Variants in PLD5 observed in about 807,000 individuals in gnomAD.
PLD5 encodes the protein inactive phospholipase D5.
Under a neutral mutation model 61.1 loss-of-function variants are expected in PLD5, and 36 were observed. The ratio of observed to expected loss-of-function variants is 0.59; its 90% CI spans 0.45 to 0.78. The LOEUF is 0.78. PLD5 is among the 30% of genes least tolerant of loss of function. The pLI is 0.00. For synonymous variants in PLD5, 243 were observed against 242.8 expected (o/e 1.00, Z -0.01); for missense variants, 515 against 644.4 (o/e 0.80, Z 2.17).
At chr1:242,130,241 A>C (rs1434599447) in intron 5 of PLD5, among the ~76,000 whole-genome samples, 2 of 152,038 alleles carry the variant, frequency 1.3e-5, no homozygotes, top group African/African-American at 2.4e-5. Context: ...GAGTAGAGAC[A>C]GGGTTTCACC....
chr1:242,281,275 G>A lies in PLD5; in HGVS notation c.495+7087C>T, dbSNP rs552464789. The stretch of plus-strand genomic sequence containing the variant: ...GTCTGTTGGTCAAACTGCATTGATC[G>A]CATCAGTTAGGAAGAATATTGCAGA... On this transcript the variant is annotated intron_variant, in intron 3 of 9. Coordinates refer to ENST00000536534, the MANE Select transcript of PLD5 (RefSeq NM_001372062.1). Among the ~76,000 whole-genome samples the A allele has an allele frequency of 6.2e-3, 947 of 152,244 alleles. 10 individuals carry two copies. The highest frequency in any genetic ancestry group is 0.022 in the African/African-American group (903 of 41,540).
At position 242,100,712 on chromosome 1, in the gene PLD5, A is replaced by G; in HGVS notation, c.1310T>C (p.Leu437Ser). 1 of 1,614,124 alleles carries G rather than the reference A, an allele frequency of 6.2e-7. No homozygotes were observed. The highest frequency in any genetic ancestry group is 8.5e-7 in the Non-Finnish European group (1 of 1,180,014). Residue 437 changes from leucine (L) to serine (S), a missense_variant, in exon 9 of 10, where the codon TTA becomes TCA. Coordinates refer to ENST00000536534, the MANE Select transcript of PLD5 (RefSeq NM_001372062.1). ...KEQKNHTFPR[L>S]NRNKYMVTDG... ...TGTCACCATGTACTTGTTGCGATTT[A>G]ACCTAGGAAAGGTGTGATTCTTTTG...
At position 242,224,468 on chromosome 1, in the gene PLD5, G is replaced by A. The variant is rs188375769; in HGVS notation, c.608-4353C>T. On this transcript the variant is annotated intron_variant, in intron 4 of 9. Coordinates refer to ENST00000536534, the MANE Select transcript of PLD5 (RefSeq NM_001372062.1). The stretch of plus-strand genomic sequence containing the variant: ...TTATTTTTATGACCCAGAAAACAGG[G>A]ATCCTATATATTAAAGAGTTATTAT... 2.2e-3 allele frequency among the ~76,000 whole-genome samples: 329 copies of A among 151,964 alleles called. 1 individual carries two copies. The highest frequency in any genetic ancestry group is 7.5e-3 in the African/African-American group (310 of 41,442).
At chr1:242,413,321 T>C (rs1316403456) in intron 1 of PLD5, among the ~76,000 whole-genome samples, 2 of 152,098 alleles carry the variant, frequency 1.3e-5, no homozygotes, top group South Asian at 2.1e-4. Flanking sequence ...TTTTTTTTTT[T>C]CTACCCAGCA....
intron 9 of PLD5, among the ~76,000 whole-genome samples, chr1:242,097,998 T>C (rs982094215): frequency 5.3e-5 from 8 of 152,240 alleles, no homozygotes; most frequent in Admixed American, 3.9e-4. Flanking sequence ...ATTTATTAAA[T>C]AGGGAATCCT....
chr1:242,494,878 C>CTTTTTTTTTTT (rs556893161), intron 1 of PLD5, among the ~76,000 whole-genome samples: 35 of 135,902 alleles, frequency 2.6e-4, no homozygotes, highest in African/African-American at 9.0e-4. Context: ...TTTTTCTTTT[C>CTTTTTTTTTTT]TGTTTTTTTT....
intron 5 of PLD5, among the ~76,000 whole-genome samples, chr1:242,185,292 A>G (rs1424387854): frequency 6.6e-6 from 1 of 152,144 alleles, no homozygotes; most frequent in Non-Finnish European, 1.5e-5. Context: ...TTCCAACAAC[A>G]ACAACAACAA....
intron 1 of PLD5, among the ~76,000 whole-genome samples, chr1:242,463,005 C>G (rs1268884875): frequency 2.6e-5 from 4 of 152,214 alleles, no homozygotes; most frequent in Non-Finnish European, 5.9e-5. Context: ...TTTCAATACC[C>G]TTCTCCTCCA....
chr1:242,287,932 G>GGGTGAATTATAACTTGAAA (rs1413789570), intron 3 of PLD5, among the ~76,000 whole-genome samples: 2 of 152,144 alleles, frequency 1.3e-5, no homozygotes, highest in African/African-American at 4.8e-5. Context: ...ATGTGGCTGT[G>GGGTGAATTATAACTTGAAA]GGTGAATTAT....
intron 8 of PLD5, among the ~76,000 whole-genome samples, chr1:242,102,367 G>A (rs1207877366): frequency 6.6e-6 from 1 of 152,184 alleles, no homozygotes; most frequent in African/African-American, 2.4e-5. Flanking sequence ...GCTTTCTCTG[G>A]AAGACTAAAA....
At chr1:242,205,388 T>A (rs1329789342) in intron 5 of PLD5, among the ~76,000 whole-genome samples, 1 of 152,234 alleles carries the variant, frequency 6.6e-6, no homozygotes, top group Non-Finnish European at 1.5e-5. Context: ...ATTGTCCCTT[T>A]AAAAATTGTA....
chr1:242,203,426 A>G (rs1669112918), intron 5 of PLD5: 2 of 152,242 alleles, frequency 1.3e-5, no homozygotes, highest in African/African-American at 2.4e-5. Context: ...AGCTGATGTA[A>G]TCTGGGTGTT....
At chr1:242,484,701 T>C (rs562809512) in intron 1 of PLD5, among the ~76,000 whole-genome samples, 1 of 152,170 alleles carries the variant, frequency 6.6e-6, no homozygotes, top group African/African-American at 2.4e-5. Flanking sequence ...CCTCCCTAAC[T>C]CATTTTATGA....
At chr1:242,205,471 C>T (rs927967581) in intron 5 of PLD5, among the ~76,000 whole-genome samples, 3 of 152,148 alleles carry the variant, frequency 2.0e-5, no homozygotes, top group Non-Finnish European at 4.4e-5. Flanking sequence ...TAAGAGACTT[C>T]CACCCCTCAT....
intron 1 of PLD5, among the ~76,000 whole-genome samples, chr1:242,492,867 G>T (rs1330227808): frequency 2.0e-5 from 3 of 152,068 alleles, no homozygotes; most frequent in Non-Finnish European, 1.5e-5. Context: ...TCTTATAAGT[G>T]CATTAATCCT....
chr1:242,277,108 G>A (rs1252327391), intron 3 of PLD5, among the ~76,000 whole-genome samples: 2 of 152,146 alleles, frequency 1.3e-5, no homozygotes, highest in African/African-American at 4.8e-5. Flanking sequence ...CACTCTGGCT[G>A]CAGAGGGGAC....
rs1410664390 is a variant in PLD5 at position 242,083,178 on chromosome 1, A to C, written c.*6676T>G. On this transcript the variant is annotated 3_prime_UTR_variant, in exon 10 of 10. Coordinates refer to ENST00000536534, the MANE Select transcript of PLD5 (RefSeq NM_001372062.1). ...AAGTAACTGCTGTCACTGTTCTCAG[A>C]GTCACCATTACGGTGACTGTGTCTA... 1 of 152,208 alleles carries C rather than the reference A, an allele frequency of 6.6e-6. No individual in the cohort carries two copies. The highest frequency in any genetic ancestry group is 1.5e-5 in the Non-Finnish European group (1 of 68,038). 9.4% of individuals were successfully genotyped at this position (152,208 alleles called of 1,614,324 possible).
intron 5 of PLD5, among the ~76,000 whole-genome samples, chr1:242,153,301 GC>G (rs1665088072): frequency 6.6e-6 from 1 of 152,046 alleles, no homozygotes. Flanking sequence ...TCTGTAGGCT[GC>G]CTGTTCACTC....
At chr1:242,313,832 G>A (rs926881709) in intron 2 of PLD5, among the ~76,000 whole-genome samples, 8 of 152,112 alleles carry the variant, frequency 5.3e-5, no homozygotes, top group East Asian at 1.9e-4. Flanking sequence ...TAGGGAACAC[G>A]CTGCTAAGTC....
Sources: allele counts gnomAD v4.1 joint callset (sites outside exome capture counted in the v4.1 genomes callset), GRCh38; gene constraint gnomAD v4.1.1; transcripts MANE v1.5; gene names NCBI Gene and HGNC (gene_info 2026-07-23, HGNC 2026-07-21).